Variants in PPM1H observed in about 807,000 individuals in gnomAD.
PPM1H encodes protein phosphatase, Mg2+/Mn2+ dependent 1H.
Under a neutral mutation model 54.9 loss-of-function variants are expected in PPM1H, and 27 were observed. That is an observed-to-expected ratio of 0.49 (90% confidence interval 0.36 to 0.68). The LOEUF is 0.68. PPM1H is among the 30% of genes least tolerant of loss of function. PPM1H has a pLI of 0.00. For missense variants in PPM1H, 596 were observed against 667.8 expected, an observed-to-expected ratio of 0.89 and a Z score of 1.19; for synonymous variants, 305 against 270.8, an observed-to-expected ratio of 1.13 and a Z score of -1.24.
At chr12:62,658,805 C>T (rs2075862995) in intron 9 of PPM1H, 1 of 489,836 alleles carries the variant, frequency 2.0e-6, no homozygotes, top group Non-Finnish European at 3.8e-6. Context: ...GAGGGGCCAT[C>T]TCCTCCTTGG....
At chr12:62,832,936 G>A (rs80204150) in intron 1 of PPM1H, among the ~76,000 whole-genome samples, 28 of 152,004 alleles carry the variant, frequency 1.8e-4, no homozygotes, top group Admixed American at 1.8e-3. Flanking sequence ...TAATAATAAG[G>A]CATGTTGACA....
intron 2 of PPM1H, among the ~76,000 whole-genome samples, chr12:62,820,605 G>A (rs1349209198): frequency 1.3e-5 from 2 of 152,180 alleles, no homozygotes; most frequent in Non-Finnish European, 2.9e-5. Flanking sequence ...TGCAGCCTCC[G>A]CTGGTGATAC....
Position 62,927,020 on chromosome 12 carries a change from T to C in PPM1H, c.245+7472A>G, listed in dbSNP as rs148080097. Among the ~76,000 whole-genome samples the C allele has an allele frequency of 6.4e-3, 968 of 152,358 alleles. 13 individuals are homozygous for C. The highest frequency in any genetic ancestry group is 0.022 in the African/African-American group (907 of 41,580). The stretch of plus-strand genomic sequence containing the variant: ...TAAATATCTATAACATATAAGTATA[T>C]ACATCTGTTTATTCATTTTCTTCAA... On this transcript the variant is annotated intron_variant, in intron 1 of 9. Transcript: ENST00000228705.
Position 62,646,306 on chromosome 12 carries a change from C to T in PPM1H, c.*2183G>A, listed in dbSNP as rs1274749909. 6.6e-6 allele frequency: 1 copy of T among 152,204 alleles called. No homozygotes were observed. Among genetic ancestry groups the T allele is most frequent in the Non-Finnish European group, 1.5e-5 (1 of 68,044 alleles). The allele number at this position is 152,204 out of a possible 1,614,324, so 9.4% of individuals were successfully genotyped here. The stretch of plus-strand genomic sequence containing the variant: ...ATTGAGTAGAAGGTAGTTGTGACAT[C>T]TACACCCAAATTCTTACTCTGGTGG... On this transcript the variant is annotated 3_prime_UTR_variant, in exon 10 of 10. Coordinates refer to ENST00000228705, the MANE Select transcript of PPM1H (RefSeq NM_020700.2).
intron 1 of PPM1H, among the ~76,000 whole-genome samples, chr12:62,929,518 A>G (rs1052619726): frequency 8.5e-5 from 13 of 152,248 alleles, no homozygotes; most frequent in African/African-American, 2.4e-5. Context: ...ATTTTCAACT[A>G]GTACTGCTGT....
chr12:62,909,737 A>T (rs762773897), intron 1 of PPM1H, among the ~76,000 whole-genome samples: 1 of 152,162 alleles, frequency 6.6e-6, no homozygotes, highest in African/African-American at 2.4e-5. Context: ...TTTATTTGCA[A>T]ATTATCTGCT....
At chr12:62,831,210 T>A (rs1199202657) in intron 2 of PPM1H, among the ~76,000 whole-genome samples, 1 of 152,202 alleles carries the variant, frequency 6.6e-6, no homozygotes, top group Non-Finnish European at 1.5e-5. Flanking sequence ...TAAAATCCTA[T>A]GAAAATTTTT....
intron 4 of PPM1H, among the ~76,000 whole-genome samples, chr12:62,785,872 A>T (rs1409033889): frequency 6.6e-6 from 1 of 151,996 alleles, no homozygotes; most frequent in Non-Finnish European, 1.5e-5. Flanking sequence ...AAAAAAAAAA[A>T]AAAAAGAGAG....
intron 1 of PPM1H, among the ~76,000 whole-genome samples, chr12:62,905,126 T>C (rs1335586076): frequency 6.6e-6 from 1 of 152,182 alleles, no homozygotes; most frequent in Non-Finnish European, 1.5e-5. Flanking sequence ...ACCCATCTCA[T>C]AGGGTTGTTA....
chr12:62,900,522 A>G lies in PPM1H; in HGVS notation c.245+33970T>C, dbSNP rs571041420. On this transcript the variant is annotated intron_variant, in intron 1 of 9. Transcript: ENST00000228705. ...GCACATTGTGCACATGTACCCTAGA[A>G]CTTAAAATGTAATAATAATAATAAT... 4.4e-5 allele frequency among the ~76,000 whole-genome samples: 6 copies of G among 135,508 alleles called. No homozygotes were observed. In the South Asian group the frequency reaches 1.4e-3, roughly 32 times the overall value. The allele number at this position is 135,508 out of a possible 152,430, so 88.9% of individuals were successfully genotyped here.
chr12:62,719,706 A>G lies in PPM1H; in HGVS notation c.1073+465T>C, dbSNP rs1460064951. Among the ~76,000 whole-genome samples, 5 of 152,206 alleles carry G rather than the reference A, an allele frequency of 3.3e-5. No individual in the cohort carries two copies. In the East Asian group the frequency reaches 9.6e-4, roughly 29 times the overall value. On this transcript the variant is annotated intron_variant, in intron 6 of 9. Transcript: ENST00000228705. ...TTGATAATGAATCTTCAAAGGATAT[A>G]TCTTTTTATCACTTTATCCATGGAA...
chr12:62,903,998 C>T (rs1017928310), intron 1 of PPM1H, among the ~76,000 whole-genome samples: 1 of 151,978 alleles, frequency 6.6e-6, no homozygotes, highest in African/African-American at 2.4e-5. Flanking sequence ...ACTGATGAAA[C>T]CTCATACCAT....
At chr12:62,838,344 G>T (rs1023934865) in intron 1 of PPM1H, among the ~76,000 whole-genome samples, 1 of 143,986 alleles carries the variant, frequency 6.9e-6, no homozygotes. Flanking sequence ...TGTGTGGGGG[G>T]GGGGAGATGA....
chr12:62,684,886 C>T (rs2136632131), intron 8 of PPM1H, among the ~76,000 whole-genome samples: 1 of 152,216 alleles, frequency 6.6e-6, no homozygotes, highest in Admixed American at 6.5e-5. Flanking sequence ...GTCACTACCA[C>T]CCAGGGAAAG....
At chr12:62,663,935 G>A (rs556427105) in intron 9 of PPM1H, among the ~76,000 whole-genome samples, 1 of 151,588 alleles carries the variant, frequency 6.6e-6, no homozygotes, top group African/African-American at 2.4e-5. Flanking sequence ...AGGTTGCGGT[G>A]AGCTGAGATT....
intron 9 of PPM1H, among the ~76,000 whole-genome samples, chr12:62,661,988 C>T (rs2075886828): frequency 6.6e-6 from 1 of 152,196 alleles, no homozygotes. Flanking sequence ...TTGCCATCTT[C>T]CCCGAAAGGC....
intron 4 of PPM1H, among the ~76,000 whole-genome samples, chr12:62,784,187 A>G (rs2076658076): frequency 6.6e-6 from 1 of 152,180 alleles, no homozygotes; most frequent in Admixed American, 6.5e-5. Flanking sequence ...AGCTCGGCAG[A>G]GTAGAAGGGC....
chr12:62,796,110 T>C (rs1391274720), intron 3 of PPM1H, among the ~76,000 whole-genome samples: 1 of 152,228 alleles, frequency 6.6e-6, no homozygotes, highest in African/African-American at 2.4e-5. Context: ...TACTAGTGAC[T>C]GAGAAGAGCA....
At chr12:62,863,688 C>T (rs988189178) in intron 1 of PPM1H, among the ~76,000 whole-genome samples, 22 of 152,042 alleles carry the variant, frequency 1.4e-4, no homozygotes, top group Admixed American at 2.6e-4. Context: ...TGTCTTACAC[C>T]GTACCATCAA....
Sources: allele counts gnomAD v4.1 joint callset (sites outside exome capture counted in the v4.1 genomes callset), GRCh38; gene constraint gnomAD v4.1.1; transcripts MANE v1.5; gene names NCBI Gene and HGNC (gene_info 2026-07-23, HGNC 2026-07-21).